Variants in POTEE observed in about 807,000 individuals in gnomAD.
The protein encoded by POTEE is POTE ankyrin domain family member E, also known as ANKRD26-like family C member 1A.
Under a neutral mutation model 74.2 loss-of-function variants are expected in POTEE, and 21 were observed. That is an observed-to-expected ratio of 0.28 (90% CI 0.20 to 0.41). The LOEUF (loss-of-function observed/expected upper bound fraction) is 0.41, where lower values mean the gene tolerates loss of function less well. Among genes scored for constraint, POTEE ranks in the 10% least tolerant of loss-of-function variants. The pLI, the probability that POTEE is intolerant of heterozygous loss-of-function variation, is 1.00. For synonymous variants in POTEE, 211 were observed against 432.8 expected, an observed-to-expected ratio of 0.49 and a Z score of 6.36; for missense variants, 525 against 1,158.6, an observed-to-expected ratio of 0.45 and a Z score of 7.94.
chr2:131,263,853 G>A lies in POTEE; in HGVS notation c.2398G>A (p.Glu800Lys), dbSNP rs1559208615. Residue 800 changes from glutamate to lysine, a missense_variant, in exon 18 of 18, where the codon GAG (glutamate) becomes AAG (lysine). Physicochemically the swap from Glu to Lys is moderately conservative, Grantham distance 56. Coordinates refer to ENST00000683005, the MANE Select transcript of POTEE (RefSeq NM_001083538.3). Reference protein sequence around the residue: ...FYNELRVAPEEHPILLTEAPL... With the variant: ...FYNELRVAPEKHPILLTEAPL... ...CAACGAGCTGCGTGTGGCTCCCGAG[G>A]AGCACCCCATCCTGCTGACCGAGGC... The A allele has an allele frequency of 1.2e-6, 2 of 1,614,190 alleles. No homozygotes were observed. The highest frequency in any genetic ancestry group is 1.7e-6 in the Non-Finnish European group (2 of 1,180,036).
At chr2:131,233,048 T>C (rs1473323007) in intron 9 of POTEE, among the ~76,000 whole-genome samples, 3 of 151,940 alleles carry the variant, frequency 2.0e-5, no homozygotes, top group Non-Finnish European at 4.4e-5. Flanking sequence ...ATAATAAATA[T>C]CCCAATAGAC....
At chr2:131,260,202 T>C (rs1310832324) in intron 16 of POTEE, among the ~76,000 whole-genome samples, 4 of 150,064 alleles carry the variant, frequency 2.7e-5, no homozygotes, top group Admixed American at 6.6e-5. Flanking sequence ...AGTACCACGC[T>C]GTTTCTGTTA....
intron 9 of POTEE, among the ~76,000 whole-genome samples, chr2:131,234,164 A>G (rs1701053573): frequency 6.6e-6 from 1 of 151,450 alleles, no homozygotes; most frequent in Admixed American, 6.6e-5. Flanking sequence ...GATGAACTTA[A>G]TGGATAAAGA....
At chr2:131,237,885 A>G (rs6718693) in intron 10 of POTEE, among the ~76,000 whole-genome samples, 2,584 of 150,478 alleles carry the variant, frequency 0.017, no homozygotes, top group African/African-American at 0.061. Context: ...AGTTTAGTCC[A>G]AACAAATGGT....
At chr2:131,224,517 C>T (rs1296215067) in intron 6 of POTEE, among the ~76,000 whole-genome samples, 4 of 146,064 alleles carry the variant, frequency 2.7e-5, no homozygotes, top group African/African-American at 2.6e-5. Context: ...TTTCTGATTG[C>T]TCATGAGCCA....
At chr2:131,224,282 A>G (rs1165177727) in intron 6 of POTEE, among the ~76,000 whole-genome samples, 2 of 150,336 alleles carry the variant, frequency 1.3e-5, no homozygotes, top group African/African-American at 4.9e-5. Context: ...AAAACACTGA[A>G]TTTGTAAAAG....
At chr2:131,235,918 C>G (rs558507432) in intron 9 of POTEE, among the ~76,000 whole-genome samples, 105 of 151,410 alleles carry the variant, frequency 6.9e-4, no homozygotes, top group African/African-American at 2.4e-3. Context: ...TTTTTGAAAT[C>G]ATTTGTAAGG....
intron 1 of POTEE, among the ~76,000 whole-genome samples, chr2:131,210,217 G>C (rs1474027229): frequency 9.8e-5 from 11 of 112,526 alleles, no homozygotes; most frequent in Non-Finnish European, 1.4e-4. Flanking sequence ...CAGGAGCTGC[G>C]CTACCTGTGG....
intron 2 of POTEE, among the ~76,000 whole-genome samples, chr2:131,216,698 CATAAA>C (rs1316077094): frequency 6.7e-6 from 1 of 149,334 alleles, no homozygotes; most frequent in East Asian, 2.0e-4. Context: ...GTGGTCTGTC[CATAAA>C]ATAAAATATT....
chr2:131,210,351 G>A (rs1700332023), intron 1 of POTEE, among the ~76,000 whole-genome samples: 1 of 145,530 alleles, frequency 6.9e-6, no homozygotes, highest in African/African-American at 2.6e-5. Flanking sequence ...GGGTATTGGG[G>A]TTACACTGCC....
chr2:131,218,042 T>C (rs1017099161), intron 3 of POTEE: 8 of 348,104 alleles, frequency 2.3e-5, no homozygotes, highest in African/African-American at 1.5e-4. Flanking sequence ...CTGCTTGGAT[T>C]GACGTTTTCT....
At chr2:131,217,881 G>A (rs1196601372) in intron 3 of POTEE, among the ~76,000 whole-genome samples, 198 bp downstream of exon 3, 1 of 149,542 alleles carries the variant, frequency 6.7e-6, no homozygotes, top group East Asian at 2.0e-4. Flanking sequence ...GCTTGCACGC[G>A]CACGCCGCAC....
In POTEE at chr2:131,218,495, C is replaced by A; in HGVS notation, c.93C>A (p.Cys31Ter). 6.2e-7 allele frequency: 1 copy of A among 1,612,720 alleles called. No individual in the cohort carries two copies. Among genetic ancestry groups the A allele is most frequent in the Non-Finnish European group, 8.5e-7 (1 of 1,179,856 alleles). ...RSKMGKWCCR[C>*]FPCYRESGKS... ...AGATGGGCAAGTGGTGCTGCCGTTGCTTCCCCTGCTACAGGGAGAGCGGCA... is the reference window on the plus strand; with the variant it reads ...AGATGGGCAAGTGGTGCTGCCGTTGATTCCCCTGCTACAGGGAGAGCGGCA... The change falls in exon 4 of 18, where the codon TGC becomes TGA. Residue 31 changes from cysteine (C) to a stop codon, truncating the protein, a stop_gained. Transcript: ENST00000683005. LOFTEE classifies it high-confidence loss of function.
At chr2:131,218,053 C>T (rs1449244235) in intron 3 of POTEE, 2 of 372,030 alleles carry the variant, frequency 5.4e-6, no homozygotes, top group Non-Finnish European at 1.0e-5. Flanking sequence ...GACGTTTTCT[C>T]TCTCGTGTTC....
rs1440180714 is a variant in POTEE, at chr2:131,236,372, G to A, written c.1127-360G>A. On this transcript the variant is annotated intron_variant, in intron 9 of 17. Coordinates refer to ENST00000683005, the MANE Select transcript of POTEE (RefSeq NM_001083538.3). Reference sequence around the variant, plus strand: ...TTAGAGTCAGACTAGCTAAGTGCGGGAAAACTTGTTTCTCTTTAAAACTAA... The same window carrying A: ...TTAGAGTCAGACTAGCTAAGTGCGGAAAAACTTGTTTCTCTTTAAAACTAA... 2.6e-5 allele frequency among the ~76,000 whole-genome samples: 4 copies of A among 152,090 alleles called. No individual in the cohort carries two copies. In the East Asian group the frequency reaches 5.8e-4, roughly 22 times the overall value.
intron 3 of POTEE, chr2:131,218,046 G>C (rs1226740049): frequency 5.7e-6 from 2 of 350,996 alleles, no homozygotes; most frequent in Non-Finnish European, 1.1e-5. Context: ...TTGGATTGAC[G>C]TTTTCTCTCT....
rs1197896393 is a variant in POTEE at position 131,237,732 on chromosome 2, CTT to C, written c.1198-459_1198-458del. ...TGGTGCCTACAATCCAGTTAGGAAT[CTT>C]TTAGAAAAGCACTTCAGTGCACTGT... is the stretch of plus-strand genomic sequence containing the variant. On this transcript the variant is annotated intron_variant, in intron 10 of 17. Transcript: ENST00000683005. 2.0e-4 allele frequency among the ~76,000 whole-genome samples: 31 copies of C among 152,304 alleles called. No homozygotes were observed. The East Asian group carries it at 3.1e-3, about 15-fold the overall frequency.
chr2:131,230,592 T>C (rs1700922191), intron 8 of POTEE, among the ~76,000 whole-genome samples: 3 of 152,190 alleles, frequency 2.0e-5, no homozygotes, highest in South Asian at 2.1e-4. Flanking sequence ...GTCATGCTAA[T>C]GCTAGCTAAT....
At chr2:131,225,075 A>G (rs1186542555) in intron 6 of POTEE, among the ~76,000 whole-genome samples, 9 of 152,278 alleles carry the variant, frequency 5.9e-5, no homozygotes, top group Admixed American at 4.6e-4. Flanking sequence ...GAGAAAGGGA[A>G]TTGGTCATGT....
Sources: gnomAD v4.1 joint callset for allele counts (sites outside exome capture counted in the v4.1 genomes callset) on GRCh38, gnomAD v4.1.1 for gene constraint, MANE v1.5 for transcripts, NCBI Gene and HGNC (gene_info 2026-07-23, HGNC 2026-07-21) for gene names.